FHOD3: variants seen among roughly 807,000 people sequenced by gnomAD.
FHOD3 encodes the protein FH1/FH2 domain-containing protein 3.
A neutral mutation model predicts 173.0 loss-of-function variants in FHOD3; 90 were observed. That is an observed-to-expected ratio of 0.52 (90% CI 0.44 to 0.62). FHOD3 has a LOEUF of 0.62. FHOD3 is among the 20% of genes least tolerant of loss of function. The probability of loss-of-function intolerance (pLI) is 0.00; values close to 1 mark genes in which losing one functional copy is unlikely to be tolerated. For missense variants in FHOD3, 1,945 were observed against 2,034.7 expected (o/e 0.96, Z 0.85); for synonymous variants, 828 against 823.0 (o/e 1.01, Z -0.10).
intron 10 of FHOD3, among the ~76,000 whole-genome samples, chr18:36,640,721 A>G (rs1336145732): frequency 6.6e-6 from 1 of 152,196 alleles, no homozygotes; most frequent in Non-Finnish European, 1.5e-5. Context: ...GACAGCAGGC[A>G]AGTCTGGGGT....
chr18:36,507,618 G>T (rs1250942979), intron 4 of FHOD3, among the ~76,000 whole-genome samples: 1 of 152,156 alleles, frequency 6.6e-6, no homozygotes, highest in East Asian at 1.9e-4. Context: ...AATGGACTGG[G>T]TAACTTGAAT....
At chr18:36,693,098 G>A (rs1037923221) in intron 16 of FHOD3, 111 bp from the exon 17 acceptor site, 1 of 1,071,796 alleles carries the variant, frequency 9.3e-7, no homozygotes, top group South Asian at 1.5e-5. Flanking sequence ...CCTGCACTGT[G>A]CTGTGTGCAT....
Position 36,687,133 on chromosome 18 carries a change from A to G in FHOD3, c.1976A>G (p.Asp659Gly), listed in dbSNP as rs765829316. 4 of 1,610,308 alleles carry G rather than the reference A, an allele frequency of 2.5e-6. No individual in the cohort carries two copies. The highest frequency in any genetic ancestry group is 3.4e-6 in the Non-Finnish European group (4 of 1,177,190). The change falls in exon 16 of 29, where the codon GAT becomes GGT. Residue 659 changes from aspartate (D) to glycine (G), a missense_variant. This residue lies in a region of FHOD3 where 1,099 missense variants were observed against 1,051.2 expected (regional missense o/e 1.05). Transcript: ENST00000590592. ...EREERNKFSR[D>G]YLDKREEQRQ... ...GTTCTACATATTTCCATTAGCCGAG[A>G]TTATTTAGACAAAAGAGAGGAGCAA...
At chr18:36,557,688 T>C (rs2057942708) in intron 5 of FHOD3, among the ~76,000 whole-genome samples, 1 of 152,230 alleles carries the variant, frequency 6.6e-6, no homozygotes, top group African/African-American at 2.4e-5. Context: ...CTTGTACTTA[T>C]TGCATGCTGA....
intron 5 of FHOD3, among the ~76,000 whole-genome samples, chr18:36,535,735 G>A (rs891549619): frequency 2.0e-5 from 3 of 152,182 alleles, no homozygotes; most frequent in South Asian, 2.1e-4. Flanking sequence ...TGTTGTAACA[G>A]TATTTAATAC....
chr18:36,709,308 G>T lies in FHOD3; in HGVS notation c.2450G>T (p.Cys817Phe). 6.2e-7 allele frequency: 1 copy of T among 1,614,266 alleles called. No individual in the cohort carries two copies. Among genetic ancestry groups the T allele is most frequent in the Non-Finnish European group, 8.5e-7 (1 of 1,180,048 alleles). The change falls in exon 18 of 29, where the codon TGC becomes TTC. Residue 817 changes from cysteine to phenylalanine, a missense_variant. By Grantham distance (205) the Cys-to-Phe change is radical. Around this residue, in one of 5 missense-constraint regions of FHOD3, gnomAD observed 1,099 missense variants for 1,051.2 expected, o/e 1.05. Transcript: ENST00000590592. ...QNEGVNERDN[C>F]SASSVSSSSS... The stretch of plus-strand genomic sequence containing the variant: ...GAGGGGGTGAACGAGAGGGACAACT[G>T]CTCTGCCTCCAGCGTCTCGTCCTCC...
intron 25 of FHOD3, among the ~76,000 whole-genome samples, chr18:36,758,723 C>G (rs1332495006): frequency 1.3e-5 from 2 of 152,168 alleles, no homozygotes; most frequent in Non-Finnish European, 2.9e-5. Flanking sequence ...ACTGTCAGGC[C>G]GTGATGGGTT....
intron 28 of FHOD3, among the ~76,000 whole-genome samples, chr18:36,777,053 T>C (rs768303185): frequency 7.2e-5 from 11 of 152,164 alleles, no homozygotes; most frequent in Non-Finnish European, 1.6e-4. Context: ...GGGTAAAATA[T>C]CTGTGGGGTC....
At position 36,680,296 on chromosome 18, in the gene FHOD3, A is replaced by G. The variant is rs151163496; in HGVS notation, c.1836-1140A>G. Among the ~76,000 whole-genome samples the G allele has an allele frequency of 2.4e-3, 365 of 152,322 alleles. 2 individuals are homozygous for G. The highest frequency in any genetic ancestry group is 8.5e-3 in the African/African-American group (353 of 41,576). On this transcript the variant is annotated intron_variant, in intron 14 of 28. Transcript: ENST00000590592. ...TGTGGGACTCATGGCAGTCTGTAAT[A>G]TGAAAGTCACATCTTTCTCCTGCAC...
chr18:36,662,097 A>G (rs2036849943), intron 14 of FHOD3, among the ~76,000 whole-genome samples: 1 of 152,244 alleles, frequency 6.6e-6, no homozygotes, highest in Non-Finnish European at 1.5e-5. Flanking sequence ...CAAATGAAAC[A>G]AACAAGCAAA....
chr18:36,598,174 T>C (rs1261778723), intron 7 of FHOD3, among the ~76,000 whole-genome samples: 2 of 152,216 alleles, frequency 1.3e-5, no homozygotes, highest in Admixed American at 6.5e-5. Context: ...TCATAAATTT[T>C]ACTTCTCAAA....
At chr18:36,328,487 G>A (rs1226634125) in intron 1 of FHOD3, among the ~76,000 whole-genome samples, 4 of 152,128 alleles carry the variant, frequency 2.6e-5, no homozygotes, top group Non-Finnish European at 4.4e-5. Flanking sequence ...AGCTGAGACC[G>A]GGAAGGGGAA....
intron 5 of FHOD3, among the ~76,000 whole-genome samples, chr18:36,538,025 C>T (rs1408265795): frequency 1.3e-5 from 2 of 152,194 alleles, no homozygotes; most frequent in South Asian, 2.1e-4. Flanking sequence ...AACTATAAAT[C>T]AATACCAGAA....
chr18:36,568,919 A>G lies in FHOD3; in HGVS notation c.512-7532A>G, dbSNP rs1338018738. ...CAGATACTTGATTTTTCAGTTTTTA[A>G]TGCAGCCATTATGAAAATGCTTCAG... is the stretch of plus-strand genomic sequence containing the variant. On this transcript the variant is annotated intron_variant, in intron 5 of 28. Transcript: ENST00000590592. Among the ~76,000 whole-genome samples, 3 of 152,204 alleles carry G rather than the reference A, an allele frequency of 2.0e-5. No individual in the cohort carries two copies. In the East Asian group the frequency reaches 5.8e-4, roughly 29 times the overall value.
chr18:36,532,035 C>T (rs2056803732), intron 5 of FHOD3, among the ~76,000 whole-genome samples: 1 of 152,240 alleles, frequency 6.6e-6, no homozygotes, highest in Admixed American at 6.5e-5. Flanking sequence ...CACTGCTGGC[C>T]TGCTTCTGTT....
chr18:36,669,282 A>G (rs1178240441), intron 14 of FHOD3, among the ~76,000 whole-genome samples: 1 of 151,878 alleles, frequency 6.6e-6, no homozygotes, highest in East Asian at 1.9e-4. Flanking sequence ...GCTTTAAAAA[A>G]AATAGTATTA....
At chr18:36,611,889 G>C in intron 8 of FHOD3, 63 bp from the exon 9 acceptor site, 2 of 1,514,454 alleles carry the variant, frequency 1.3e-6, no homozygotes, top group Non-Finnish European at 1.8e-6. Flanking sequence ...ATTGGAAAAT[G>C]CCCTGAGAGC....
intron 21 of FHOD3, among the ~76,000 whole-genome samples, chr18:36,741,186 C>T (rs946216595): frequency 5.3e-5 from 8 of 152,130 alleles, no homozygotes; most frequent in South Asian, 2.1e-4. Flanking sequence ...AATCCTTCCA[C>T]GTGATGATAA....
intron 20 of FHOD3, 149 bp downstream of exon 20, chr18:36,730,953 T>C (rs1440388951): frequency 1.2e-6 from 1 of 814,672 alleles, no homozygotes; most frequent in East Asian, 2.9e-5. Context: ...GTGTTAAACT[T>C]TTTGAGGGGA....
Sources: allele counts gnomAD v4.1 joint callset (sites outside exome capture counted in the v4.1 genomes callset), GRCh38; gene constraint gnomAD v4.1.1; regional missense constraint gnomAD v4.1.1; transcripts MANE v1.5; gene names NCBI Gene and HGNC (gene_info 2026-07-23, HGNC 2026-07-21).